Variants in BRI3BP observed in about 807,000 individuals in gnomAD.
The protein encoded by BRI3BP is BRI3-binding protein.
A neutral mutation model predicts 15.8 loss-of-function variants in BRI3BP; 7 were observed. The observed-to-expected ratio is 0.44, with a 90% confidence interval of 0.25 to 0.83. The LOEUF is 0.83. Ranked by LOEUF, BRI3BP falls within the 40% of genes least tolerant of loss-of-function variation. The pLI, the probability that BRI3BP is intolerant of heterozygous loss-of-function variation, is 0.20. For missense variants in BRI3BP, 320 were observed against 339.3 expected, an observed-to-expected ratio of 0.94 and a Z score of 0.45; for synonymous variants, 192 against 163.5, an observed-to-expected ratio of 1.17 and a Z score of -1.33.
intron 1 of BRI3BP, among the ~76,000 whole-genome samples, chr12:125,008,973 A>T (rs1955172712): frequency 6.8e-6 from 1 of 147,874 alleles, no homozygotes; most frequent in Non-Finnish European, 1.5e-5. Flanking sequence ...TCACACTCCT[A>T]TGAAAATTTT....
chr12:124,997,378 G>T (rs80074069), intron 1 of BRI3BP, among the ~76,000 whole-genome samples: 5,015 of 150,894 alleles, frequency 0.033, 279 homozygotes, highest in African/African-American at 0.11. Context: ...ACCACGACCA[G>T]CTAATTTTTG....
chr12:125,017,893 G>C (rs1298409627), intron 2 of BRI3BP, among the ~76,000 whole-genome samples: 1 of 152,182 alleles, frequency 6.6e-6, no homozygotes, highest in Non-Finnish European at 1.5e-5. Context: ...CCAAATCCCA[G>C]CTCTGCCCTG....
the BRI3BP span, among the ~76,000 whole-genome samples, chr12:125,042,636 G>T: frequency 1.4e-4 from 21 of 152,046 alleles, no homozygotes; most frequent in African/African-American, 4.8e-4. Flanking sequence ...CTGGGTTCAA[G>T]CGATTCTCCT....
Position 125,028,349 on chromosome 12 carries a change from G to A in BRI3BP, c.*2919G>A, listed in dbSNP as rs571796552. ...CATTCCTCCTCCCACCCTCTTACCC[G>A]AAACATGAAGGGCACTGTGCTCTAT... On this transcript the variant is annotated 3_prime_UTR_variant, in exon 3 of 3. Coordinates refer to ENST00000341446, the MANE Select transcript of BRI3BP (RefSeq NM_080626.6). 3.9e-5 allele frequency: 6 copies of A among 152,280 alleles called. No homozygotes were observed. The highest frequency in any genetic ancestry group is 2.1e-4 in the South Asian group (1 of 4,830). The allele number at this position is 152,280 out of a possible 1,614,324, so 9.4% of individuals were successfully genotyped here.
chr12:125,003,711 G>T lies in BRI3BP; in HGVS notation c.214-8823G>T, dbSNP rs1328082483. On this transcript the variant is annotated intron_variant, in intron 1 of 2. Transcript: ENST00000341446. ...CTCATGCCTGTAATCCCAGCACTTT[G>T]GGAGGCCGAGGCGGGTGGGTCACTA... Among the ~76,000 whole-genome samples, 4 of 152,116 alleles carry T rather than the reference G, an allele frequency of 2.6e-5. No individual in the cohort carries two copies. The East Asian group carries it at 7.7e-4, about 29-fold the overall frequency.
At chr12:125,014,237 C>T (rs1347254480) in intron 2 of BRI3BP, among the ~76,000 whole-genome samples, 1 of 152,188 alleles carries the variant, frequency 6.6e-6, no homozygotes, top group Non-Finnish European at 1.5e-5. Flanking sequence ...CCGCTCTTCC[C>T]CTGGGCCTTT....
intron 1 of BRI3BP, among the ~76,000 whole-genome samples, chr12:125,002,464 T>G (rs1187586815): frequency 2.0e-5 from 3 of 150,568 alleles, no homozygotes; most frequent in East Asian, 1.9e-4. Flanking sequence ...TTGTTTTGTT[T>G]TTTTTTTTTT....
intron 2 of BRI3BP, among the ~76,000 whole-genome samples, chr12:125,018,507 G>T (rs779513027): frequency 6.6e-6 from 1 of 152,090 alleles, no homozygotes; most frequent in Non-Finnish European, 1.5e-5. Flanking sequence ...GAGTAAGAGA[G>T]AGGAGTGTGT....
chr12:125,047,244 G>A, the BRI3BP span, among the ~76,000 whole-genome samples: 7 of 151,560 alleles, frequency 4.6e-5, no homozygotes. Context: ...CGCCTCCCAG[G>A]TTCACGCCAT....
the BRI3BP span, among the ~76,000 whole-genome samples, chr12:125,045,573 C>T: frequency 6.6e-6 from 1 of 152,300 alleles, no homozygotes; most frequent in Non-Finnish European, 1.5e-5. Flanking sequence ...ACCTCGCGAT[C>T]TGCCCGCCTA....
chr12:125,005,007 G>A (rs1955129599), intron 1 of BRI3BP, among the ~76,000 whole-genome samples: 1 of 152,160 alleles, frequency 6.6e-6, no homozygotes, highest in African/African-American at 2.4e-5. Flanking sequence ...CATCACACCC[G>A]GCTAAGTTTT....
intron 1 of BRI3BP, among the ~76,000 whole-genome samples, chr12:124,999,784 A>AT (rs1406731709): frequency 7.2e-6 from 1 of 139,200 alleles, no homozygotes; most frequent in Non-Finnish European, 1.6e-5. Context: ...TGCCCAGCTA[A>AT]TTTTTTTGTG....
At chr12:125,022,883 T>G (rs193221227) in intron 2 of BRI3BP, among the ~76,000 whole-genome samples, 36 of 152,320 alleles carry the variant, frequency 2.4e-4, no homozygotes, top group African/African-American at 7.9e-4. Context: ...GTCTTTATTC[T>G]TAGATGTATG....
rs1287247501 is a variant in BRI3BP, at chr12:125,026,293, A to G, written c.*863A>G. The G allele has an allele frequency of 2.6e-5, 4 of 151,148 alleles. No individual in the cohort carries two copies. The highest frequency in any genetic ancestry group is 7.3e-5 in the African/African-American group (3 of 41,018). 9.4% of individuals were successfully genotyped at this position (151,148 alleles called of 1,614,324 possible). ...AATTTGCAGTTTGCTCACTAGGGCT[A>G]TATACAAAAGCTATACCCTTGAGGG... On this transcript the variant is annotated 3_prime_UTR_variant, in exon 3 of 3. Coordinates refer to ENST00000341446, the MANE Select transcript of BRI3BP (RefSeq NM_080626.6).
Position 125,029,179 on chromosome 12 carries a change from C to T in BRI3BP, c.*3749C>T, listed in dbSNP as rs1332172176. 1.3e-5 allele frequency: 2 copies of T among 151,954 alleles called. No homozygotes were observed. Among genetic ancestry groups the T allele is most frequent in the Non-Finnish European group, 2.9e-5 (2 of 68,004 alleles). 9.4% of individuals were successfully genotyped at this position (151,954 alleles called of 1,614,324 possible). ...TGGTTTAGTGATCTCTTCCTTGACA[C>T]CCTAGCAAAGATGCTTTTGTGGAGT... On this transcript the variant is annotated 3_prime_UTR_variant, in exon 3 of 3. Transcript: ENST00000341446.
At chr12:125,015,507 A>G (rs1955234770) in intron 2 of BRI3BP, among the ~76,000 whole-genome samples, 1 of 151,796 alleles carries the variant, frequency 6.6e-6, no homozygotes, top group African/African-American at 2.4e-5. Flanking sequence ...AAGTGGATGA[A>G]TTTCTGTTGT....
At chr12:125,039,069 G>A in the BRI3BP span, among the ~76,000 whole-genome samples, 6 of 152,274 alleles carry the variant, frequency 3.9e-5, no homozygotes, top group South Asian at 2.1e-4. Context: ...CAGCCTGGGC[G>A]ACAGAGCACA....
downstream of BRI3BP, among the ~76,000 whole-genome samples, chr12:125,032,228 C>T (rs915686339): frequency 2.6e-5 from 4 of 151,304 alleles, no homozygotes; most frequent in East Asian, 2.0e-4. Context: ...TTTGGGAGGC[C>T]GAGGCGGGCG....
rs1955345908 is a variant in BRI3BP, at chr12:125,025,514, A to G, written c.*84A>G. ...GGAGGAAAAAAACCCCAAACCCCAA[A>G]CAATCTTAATAAACACGACTGAGCA... On this transcript the variant is annotated 3_prime_UTR_variant, in exon 3 of 3. Coordinates refer to ENST00000341446, the MANE Select transcript of BRI3BP (RefSeq NM_080626.6). 4 of 1,304,146 alleles carry G rather than the reference A, an allele frequency of 3.1e-6. No homozygotes were observed. The highest frequency in any genetic ancestry group is 4.1e-6 in the Non-Finnish European group (4 of 974,284). 80.8% of individuals were successfully genotyped at this position (1,304,146 alleles called of 1,614,324 possible).
Sources: gnomAD v4.1 joint callset for allele counts (sites outside exome capture counted in the v4.1 genomes callset) on GRCh38, gnomAD v4.1.1 for gene constraint, MANE v1.5 for transcripts, NCBI Gene and HGNC (gene_info 2026-07-23, HGNC 2026-07-21) for gene names.